NRXN3: variants seen among roughly 807,000 people sequenced by gnomAD.
NRXN3 encodes neurexin III.
A neutral mutation model predicts 137.6 loss-of-function variants in NRXN3; 32 were observed. That is an observed-to-expected ratio of 0.23 (90% CI 0.18 to 0.31). The LOEUF (loss-of-function observed/expected upper bound fraction) is 0.31, where lower values mean the gene tolerates loss of function less well. Ranked by LOEUF, NRXN3 falls within the 10% of genes least tolerant of loss-of-function variation. The pLI is 1.00. For missense variants in NRXN3, 1,574 were observed against 2,062.5 expected, an observed-to-expected ratio of 0.76 and a Z score of 4.59; for synonymous variants, 798 against 784.5, an observed-to-expected ratio of 1.02 and a Z score of -0.29.
intron 1 of NRXN3, among the ~76,000 whole-genome samples, chr14:78,199,861 G>C (rs186066905): frequency 6.6e-6 from 1 of 152,200 alleles, no homozygotes; most frequent in African/African-American, 2.4e-5. Context: ...CGTGAGCCAG[G>C]GAGGAACTCC....
intron 4 of NRXN3, among the ~76,000 whole-genome samples, chr14:78,515,841 T>C (rs1413914776): frequency 2.0e-5 from 3 of 152,246 alleles, no homozygotes; most frequent in African/African-American, 7.2e-5. Context: ...GATGGAAATC[T>C]CCTCATTTCT....
At chr14:79,275,923 T>A (rs569822975) in intron 15 of NRXN3, among the ~76,000 whole-genome samples, 2 of 152,332 alleles carry the variant, frequency 1.3e-5, no homozygotes, top group Non-Finnish European at 1.5e-5. Context: ...TTATTTATAT[T>A]TTTCAACTTG....
chr14:78,651,112 A>C (rs1211075034), intron 5 of NRXN3, 53 bp from the exon 6 acceptor site: 2 of 1,543,584 alleles, frequency 1.3e-6, no homozygotes, highest in Admixed American at 1.7e-5. Flanking sequence ...GGGTTATGAT[A>C]GGATCGTAAG....
chr14:78,365,149 C>G lies in NRXN3; in HGVS notation c.757+67289C>G, dbSNP rs2085731808. Among the ~76,000 whole-genome samples the G allele has an allele frequency of 2.0e-5, 3 of 152,006 alleles. No individual in the cohort carries two copies. In the South Asian group the frequency reaches 6.2e-4, roughly 32 times the overall value. ...ATGTAATGTTGCAATAGATCATGTA[C>G]ATGATTTATAAATTTATATATATAT... On this transcript the variant is annotated intron_variant, in intron 4 of 20. Coordinates refer to ENST00000335750, the MANE Select transcript of NRXN3 (RefSeq NM_001330195.2).
intron 16 of NRXN3, among the ~76,000 whole-genome samples, chr14:79,507,543 G>A (rs955421346): frequency 1.3e-5 from 2 of 152,138 alleles, no homozygotes; most frequent in South Asian, 4.1e-4. Flanking sequence ...ATACCAGGAA[G>A]AGGAAAAGAA....
chr14:78,798,158 C>A (rs1431192209), intron 8 of NRXN3, among the ~76,000 whole-genome samples: 2 of 152,294 alleles, frequency 1.3e-5, no homozygotes, highest in East Asian at 3.9e-4. Flanking sequence ...TCCAAAGTCT[C>A]ATCTGAGACA....
At chr14:78,494,197 C>G in intron 4 of NRXN3, among the ~76,000 whole-genome samples, 1 of 152,136 alleles carries the variant, frequency 6.6e-6, no homozygotes, top group Non-Finnish European at 1.5e-5. Flanking sequence ...AACCAACCTT[C>G]GTGGAGCTGT....
At position 78,524,837 on chromosome 14, in the gene NRXN3, A is replaced by G. The variant is rs181740792; in HGVS notation, c.758-120283A>G. 9.8e-4 allele frequency among the ~76,000 whole-genome samples: 149 copies of G among 152,290 alleles called. 2 individuals carry two copies. The highest frequency in any genetic ancestry group is 8.1e-4 in the Non-Finnish European group (55 of 68,016). Reference sequence around the variant, plus strand: ...TTAAAATGGCATCAGAGTGAATCAAATCACATTAACCTGAGATGGTGGGCA... The same window carrying G: ...TTAAAATGGCATCAGAGTGAATCAAGTCACATTAACCTGAGATGGTGGGCA... On this transcript the variant is annotated intron_variant, in intron 4 of 20. Coordinates refer to ENST00000335750, the MANE Select transcript of NRXN3 (RefSeq NM_001330195.2).
At chr14:79,221,884 A>G (rs2069766946) in intron 15 of NRXN3, among the ~76,000 whole-genome samples, 1 of 152,162 alleles carries the variant, frequency 6.6e-6, no homozygotes, top group Non-Finnish European at 1.5e-5. Context: ...TTATGGTTTT[A>G]GGTCTTACGT....
At chr14:78,390,788 T>G (rs1360216039) in intron 4 of NRXN3, among the ~76,000 whole-genome samples, 1 of 152,204 alleles carries the variant, frequency 6.6e-6, no homozygotes, top group Non-Finnish European at 1.5e-5. Context: ...AAAAATGTTA[T>G]TATTTTTAAG....
chr14:79,541,733 A>G (rs2097274841), intron 16 of NRXN3, among the ~76,000 whole-genome samples: 1 of 152,172 alleles, frequency 6.6e-6, no homozygotes, highest in Non-Finnish European at 1.5e-5. Context: ...ATTACTCCTA[A>G]TGCCTCTAGC....
chr14:78,476,832 C>T (rs2095387568), intron 4 of NRXN3, among the ~76,000 whole-genome samples: 1 of 152,140 alleles, frequency 6.6e-6, no homozygotes, highest in Admixed American at 6.5e-5. Flanking sequence ...CATGTAGTAA[C>T]TGGGAATTCT....
At chr14:78,416,852 A>G (rs576888232) in intron 4 of NRXN3, among the ~76,000 whole-genome samples, 11 of 152,300 alleles carry the variant, frequency 7.2e-5, no homozygotes, top group African/African-American at 2.4e-4. Flanking sequence ...TGAAATGCCA[A>G]ACTTTACTCC....
chr14:79,420,205 G>A (rs866195436), intron 15 of NRXN3, among the ~76,000 whole-genome samples: 3 of 152,158 alleles, frequency 2.0e-5, no homozygotes, highest in Middle Eastern at 3.4e-3. Flanking sequence ...ATCTATGTGA[G>A]GTAGGTATAA....
intron 15 of NRXN3, among the ~76,000 whole-genome samples, chr14:79,108,966 A>G (rs934800204): frequency 1.3e-5 from 2 of 152,172 alleles, no homozygotes; most frequent in Admixed American, 6.5e-5. Flanking sequence ...GCATTGGAGC[A>G]CTCATTTCCC....
chr14:79,114,205 G>A (rs2054006755), intron 15 of NRXN3, among the ~76,000 whole-genome samples: 1 of 152,226 alleles, frequency 6.6e-6, no homozygotes, highest in South Asian at 2.1e-4. Context: ...TGCTACTGAT[G>A]TCTAGTGGGT....
intron 6 of NRXN3, among the ~76,000 whole-genome samples, chr14:78,693,038 A>T (rs984670002): frequency 1.3e-5 from 2 of 152,018 alleles, no homozygotes; most frequent in Non-Finnish European, 2.9e-5. Flanking sequence ...AGCCGAGATC[A>T]TGCCACTGCA....
At chr14:78,746,981 G>T (rs530763240) in intron 8 of NRXN3, among the ~76,000 whole-genome samples, 89 of 152,184 alleles carry the variant, frequency 5.8e-4, no homozygotes, top group Non-Finnish European at 1.1e-3. Flanking sequence ...ATGATCTGTG[G>T]TTGTTAAAAT....
intron 10 of NRXN3, among the ~76,000 whole-genome samples, chr14:78,910,559 T>G (rs2099234307): frequency 6.6e-6 from 1 of 152,090 alleles, no homozygotes. Context: ...TGGCAACCTC[T>G]AATCTTTTAG....
Sources: allele counts gnomAD v4.1 joint callset (sites outside exome capture counted in the v4.1 genomes callset), GRCh38; gene constraint gnomAD v4.1.1; transcripts MANE v1.5; gene names NCBI Gene and HGNC (gene_info 2026-07-23, HGNC 2026-07-21).